The following SLIT3 variants were observed in gnomAD, a reference collection of about 807,000 sequenced individuals.
SLIT3 encodes slit guidance ligand 3, also known as slit homolog 3 protein.
SLIT3 carries 68 observed loss-of-function variants against 184.0 expected under a neutral mutation model. The ratio of observed to expected loss-of-function variants is 0.37; its 90% confidence interval spans 0.30 to 0.45. The LOEUF is 0.45. Among genes scored for constraint, SLIT3 ranks in the 20% least tolerant of loss-of-function variants. The probability of loss-of-function intolerance (pLI) is 1.00; values close to 1 mark genes in which losing one functional copy is unlikely to be tolerated. For missense variants in SLIT3, 1,707 were observed against 2,026.0 expected (o/e 0.84, Z 3.02); for synonymous variants, 831 against 828.6 (o/e 1.00, Z -0.05).
intron 4 of SLIT3, among the ~76,000 whole-genome samples, chr5:169,143,494 T>C (rs982309854): frequency 2.6e-5 from 4 of 152,260 alleles, no homozygotes; most frequent in Non-Finnish European, 5.9e-5. Flanking sequence ...CAACTTTGTT[T>C]GCATAAATAG....
chr5:168,962,311 A>AACACACACACACAC (rs70979116), intron 4 of SLIT3, among the ~76,000 whole-genome samples: 7 of 147,634 alleles, frequency 4.7e-5, no homozygotes, highest in Non-Finnish European at 6.0e-5. Flanking sequence ...CCCACCCCAC[A>AACACACACACACAC]ACACACACAC....
chr5:168,914,294 T>C (rs1761362378), intron 4 of SLIT3, among the ~76,000 whole-genome samples: 1 of 152,184 alleles, frequency 6.6e-6, no homozygotes, highest in Non-Finnish European at 1.5e-5. Flanking sequence ...TTTGGAGTAG[T>C]TCACATTGAC....
intron 4 of SLIT3, among the ~76,000 whole-genome samples, chr5:169,098,326 A>C (rs1178217958): frequency 1.3e-5 from 2 of 152,222 alleles, no homozygotes; most frequent in East Asian, 3.9e-4. Flanking sequence ...CACACAGTAT[A>C]CATGCAACCG....
intron 4 of SLIT3, among the ~76,000 whole-genome samples, chr5:168,927,056 G>C (rs982462409): frequency 1.3e-5 from 2 of 152,178 alleles, no homozygotes; most frequent in African/African-American, 4.8e-5. Context: ...GCAGAGTCTT[G>C]AAGAGATATT....
At chr5:169,181,740 C>CAA (rs11452806) in intron 4 of SLIT3, among the ~76,000 whole-genome samples, 15,382 of 141,276 alleles carry the variant, frequency 0.11, 2,104 homozygotes, top group East Asian at 0.32. Context: ...GACTTCATCT[C>CAA]AAAAAAAAAA....
intron 1 of SLIT3, among the ~76,000 whole-genome samples, chr5:169,290,574 C>T (rs1176020715): frequency 1.7e-4 from 25 of 145,832 alleles, no homozygotes; most frequent in Admixed American, 1.5e-3. Context: ...CACTAGGGTG[C>T]GCACTAGGGC....
intron 12 of SLIT3, among the ~76,000 whole-genome samples, chr5:168,785,200 G>A (rs1015246946): frequency 2.0e-5 from 3 of 151,958 alleles, no homozygotes; most frequent in African/African-American, 7.3e-5. Context: ...TAGCTGCCTT[G>A]TCACAAATCA....
intron 1 of SLIT3, among the ~76,000 whole-genome samples, chr5:169,267,935 T>C (rs1766456014): frequency 6.6e-6 from 1 of 152,188 alleles, no homozygotes; most frequent in Non-Finnish European, 1.5e-5. Context: ...CATACACTAT[T>C]AACTTTTAAC....
chr5:168,703,847 A>G (rs1762292420), intron 26 of SLIT3, among the ~76,000 whole-genome samples: 1 of 146,514 alleles, frequency 6.8e-6, no homozygotes, highest in South Asian at 2.3e-4. Flanking sequence ...CAGGAGTCTG[A>G]GGCAGGAGAA....
chr5:169,251,731 C>A (rs1173636152), intron 1 of SLIT3, among the ~76,000 whole-genome samples: 1 of 152,174 alleles, frequency 6.6e-6, no homozygotes, highest in Admixed American at 6.5e-5. Flanking sequence ...AGTTTCCCCT[C>A]CCCCAACTCT....
intron 4 of SLIT3, among the ~76,000 whole-genome samples, chr5:169,127,915 G>T (rs1761142679): frequency 6.6e-6 from 1 of 152,102 alleles, no homozygotes; most frequent in African/African-American, 2.4e-5. Context: ...ATTTGACCCA[G>T]TAATCCCACT....
At chr5:168,685,649 T>C in intron 31 of SLIT3, 38 bp downstream of exon 31, 1 of 1,512,270 alleles carries the variant, frequency 6.6e-7, no homozygotes, top group Non-Finnish European at 8.9e-7. Flanking sequence ...TGTGGGCATG[T>C]TGAGGTCCTT....
intron 3 of SLIT3, among the ~76,000 whole-genome samples, chr5:169,232,289 A>C (rs1467583683): frequency 6.6e-6 from 1 of 152,112 alleles, no homozygotes; most frequent in Non-Finnish European, 1.5e-5. Flanking sequence ...CAGTGGTGCG[A>C]TCTTGGCTCA....
intron 35 of SLIT3, among the ~76,000 whole-genome samples, chr5:168,668,686 C>G (rs1465707184): frequency 6.6e-6 from 1 of 152,178 alleles, no homozygotes; most frequent in African/African-American, 2.4e-5. Context: ...TGAGCTCATG[C>G]AATCCTTGCA....
At chr5:169,268,151 A>G (rs985604044) in intron 1 of SLIT3, among the ~76,000 whole-genome samples, 7 of 152,222 alleles carry the variant, frequency 4.6e-5, no homozygotes, top group Admixed American at 1.3e-4. Context: ...CTTTAATTTG[A>G]TGCACATTTG....
At chr5:168,916,990 G>T (rs1430503664) in intron 4 of SLIT3, among the ~76,000 whole-genome samples, 1 of 152,112 alleles carries the variant, frequency 6.6e-6, no homozygotes, top group Admixed American at 6.5e-5. Context: ...CTCTCCTTCT[G>T]AACAGCTGGG....
intron 4 of SLIT3, among the ~76,000 whole-genome samples, chr5:169,071,009 C>T (rs1362516425): frequency 1.3e-5 from 2 of 152,164 alleles, no homozygotes; most frequent in African/African-American, 4.8e-5. Flanking sequence ...CTGGCTTCCC[C>T]ACCTCCTAGC....
chr5:168,812,200 G>A (rs1463437703), intron 8 of SLIT3, among the ~76,000 whole-genome samples: 1 of 152,204 alleles, frequency 6.6e-6, no homozygotes, highest in Non-Finnish European at 1.5e-5. Flanking sequence ...AGGGCCTGGG[G>A]AGGGTATTCG....
chr5:168,747,944 G>A (rs572014835), intron 20 of SLIT3, among the ~76,000 whole-genome samples: 1 of 152,102 alleles, frequency 6.6e-6, no homozygotes, highest in South Asian at 2.1e-4. Context: ...ATCAGACTGA[G>A]AGACTGCTGA....
Sources: allele counts gnomAD v4.1 joint callset (sites outside exome capture counted in the v4.1 genomes callset), GRCh38; gene constraint gnomAD v4.1.1; transcripts MANE v1.5; gene names NCBI Gene and HGNC (gene_info 2026-07-23, HGNC 2026-07-21).